Variants in NTM observed in about 807,000 individuals in gnomAD.
The protein encoded by NTM is neurotrimin, also known as IgLON family member 2.
NTM carries 13 observed loss-of-function variants against 42.1 expected under a neutral mutation model. The observed-to-expected ratio is 0.31, with a 90% CI of 0.20 to 0.49. The LOEUF is 0.49. Among genes scored for constraint, NTM ranks in the 20% least tolerant of loss-of-function variants. The pLI is 0.99. For missense variants in NTM, 373 were observed against 452.8 expected, an observed-to-expected ratio of 0.82 and a Z score of 1.60; for synonymous variants, 187 against 179.2, an observed-to-expected ratio of 1.04 and a Z score of -0.35.
chr11:132,021,640 G>A (rs909132938), intron 2 of NTM, among the ~76,000 whole-genome samples: 3 of 152,044 alleles, frequency 2.0e-5, no homozygotes, highest in Admixed American at 1.3e-4. Flanking sequence ...ATTTTTTGAT[G>A]TTTTTAAATT....
chr11:131,871,770 T>C (rs553618000), intron 1 of NTM, among the ~76,000 whole-genome samples: 34 of 152,134 alleles, frequency 2.2e-4, no homozygotes, highest in Non-Finnish European at 2.9e-4. Context: ...TGCCCTGGGC[T>C]CCCTGGGGAA....
At chr11:132,092,807 A>G (rs2136429979) in intron 2 of NTM, among the ~76,000 whole-genome samples, 1 of 152,304 alleles carries the variant, frequency 6.6e-6, no homozygotes, top group South Asian at 2.1e-4. Context: ...CAAGAGGATA[A>G]AACCAGAGAC....
At chr11:131,409,288 T>C (rs1237126445) in intron 1 of NTM, among the ~76,000 whole-genome samples, 5 of 152,184 alleles carry the variant, frequency 3.3e-5, no homozygotes, top group Non-Finnish European at 2.9e-5. Context: ...AGAATGGACA[T>C]TTACCCCTTT....
chr11:131,569,844 G>C (rs1340249762), intron 1 of NTM, among the ~76,000 whole-genome samples: 1 of 152,150 alleles, frequency 6.6e-6, no homozygotes. Context: ...GCTTCCCAAA[G>C]CTCTGGGATA....
At chr11:131,945,112 A>G (rs1009363411) in intron 2 of NTM, among the ~76,000 whole-genome samples, 3 of 152,208 alleles carry the variant, frequency 2.0e-5, no homozygotes, top group African/African-American at 4.8e-5. Flanking sequence ...CAGTATGTGC[A>G]TTAAAGGTTT....
At chr11:131,806,731 T>C (rs1467924537) in intron 1 of NTM, among the ~76,000 whole-genome samples, 1 of 152,122 alleles carries the variant, frequency 6.6e-6, no homozygotes, top group African/African-American at 2.4e-5. Context: ...ATCGGTCATG[T>C]CACAGATGAC....
At chr11:131,992,797 G>T (rs546189728) in intron 2 of NTM, among the ~76,000 whole-genome samples, 1 of 152,158 alleles carries the variant, frequency 6.6e-6, no homozygotes, top group African/African-American at 2.4e-5. Context: ...TATGGCCAGG[G>T]TGTGAGTTGT....
chr11:131,637,827 T>C (rs1019656455), intron 1 of NTM, among the ~76,000 whole-genome samples: 9 of 152,086 alleles, frequency 5.9e-5, no homozygotes, highest in Non-Finnish European at 1.3e-4. Context: ...CGCAGAGATG[T>C]TACAAGGATT....
intron 1 of NTM, among the ~76,000 whole-genome samples, chr11:131,901,920 C>A (rs2053217511): frequency 6.6e-6 from 1 of 152,216 alleles, no homozygotes; most frequent in South Asian, 2.1e-4. Flanking sequence ...TTGTGCTAAG[C>A]TAGTGAAGGA....
chr11:132,297,661 G>A (rs932495831), intron 4 of NTM, among the ~76,000 whole-genome samples: 4 of 152,166 alleles, frequency 2.6e-5, no homozygotes, highest in Admixed American at 6.5e-5. Flanking sequence ...CTGCTTCCCC[G>A]TGGAGTGATG....
At chr11:132,170,610 A>G (rs191782975) in intron 3 of NTM, among the ~76,000 whole-genome samples, 48 of 152,368 alleles carry the variant, frequency 3.2e-4, no homozygotes, top group African/African-American at 1.1e-3. Flanking sequence ...TTATAGGTCA[A>G]AATGGCTGAA....
intron 1 of NTM, among the ~76,000 whole-genome samples, chr11:131,645,414 G>A (rs535585258): frequency 3.3e-5 from 5 of 152,314 alleles, no homozygotes; most frequent in Middle Eastern, 3.4e-3. Flanking sequence ...GGCAGCAGAC[G>A]TGCTGGGGAA....
At chr11:131,596,147 A>G (rs2059793143) in intron 1 of NTM, among the ~76,000 whole-genome samples, 2 of 152,184 alleles carry the variant, frequency 1.3e-5, no homozygotes, top group African/African-American at 4.8e-5. Context: ...ACATTCTATT[A>G]AACTCCGAGG....
At chr11:131,459,397 A>G (rs1951177350) in intron 1 of NTM, among the ~76,000 whole-genome samples, 1 of 152,242 alleles carries the variant, frequency 6.6e-6, no homozygotes, top group Non-Finnish European at 1.5e-5. Context: ...CATCTATAGG[A>G]TTGATGAGAA....
At chr11:131,675,798 G>C (rs1056557311) in intron 1 of NTM, among the ~76,000 whole-genome samples, 3 of 152,162 alleles carry the variant, frequency 2.0e-5, no homozygotes, top group African/African-American at 7.2e-5. Flanking sequence ...CTCAGATGAA[G>C]GTGACTCAAG....
rs543485493 is a variant in NTM at position 131,385,371 on chromosome 11, C to T, written c.82+14483C>T. On this transcript the variant is annotated intron_variant, in intron 1 of 8. Coordinates refer to ENST00000683400, the MANE Select transcript of NTM (RefSeq NM_001352005.2). ...ATAAAACCATGATGTTTCAATATCACTAGTCATTAGGGAACCACAAATGAA... is the reference window on the plus strand; with the variant it reads ...ATAAAACCATGATGTTTCAATATCATTAGTCATTAGGGAACCACAAATGAA... 3.9e-5 allele frequency: 6 copies of T among 152,292 alleles called. No individual in the cohort carries two copies. The South Asian group carries it at 1.2e-3, about 32-fold the overall frequency. The allele number at this position is 152,292 out of a possible 1,614,324, so 9.4% of individuals were successfully genotyped here.
intron 2 of NTM, among the ~76,000 whole-genome samples, chr11:131,966,039 G>T (rs917991980): frequency 2.0e-5 from 3 of 152,038 alleles, no homozygotes; most frequent in Non-Finnish European, 2.9e-5. Flanking sequence ...AAAACAAATT[G>T]CATTTTTCTG....
intron 1 of NTM, among the ~76,000 whole-genome samples, chr11:131,683,134 C>A (rs180771240): frequency 2.0e-5 from 3 of 152,172 alleles, no homozygotes; most frequent in Non-Finnish European, 4.4e-5. Context: ...CCGAAGCTTC[C>A]CTTTCTTACT....
At position 131,655,625 on chromosome 11, in the gene NTM, G is replaced by A. The variant is rs373427617; in HGVS notation, c.83-255939G>A. ...GTGAGCTGGGACCACAGCCCCTGCC[G>A]GGTCCATTCCCCACTCAGAAGTGGT... On this transcript the variant is annotated intron_variant, in intron 1 of 8. Coordinates refer to ENST00000683400, the MANE Select transcript of NTM (RefSeq NM_001352005.2). 3.3e-5 allele frequency among the ~76,000 whole-genome samples: 5 copies of A among 152,242 alleles called. No individual in the cohort carries two copies. In the South Asian group the frequency reaches 8.3e-4, roughly 25 times the overall value.
Sources: gnomAD v4.1 joint callset for allele counts (sites outside exome capture counted in the v4.1 genomes callset) on GRCh38, gnomAD v4.1.1 for gene constraint, MANE v1.5 for transcripts, NCBI Gene and HGNC (gene_info 2026-07-23, HGNC 2026-07-21) for gene names.